Variants in CNOT10 observed in about 807,000 individuals in gnomAD.
CNOT10 encodes the protein CCR4-NOT transcription complex, subunit 10.
Under a neutral mutation model 94.6 loss-of-function variants are expected in CNOT10, and 30 were observed. The observed-to-expected ratio is 0.32, with a 90% confidence interval of 0.24 to 0.43. CNOT10 has a LOEUF of 0.43. Ranked by LOEUF, CNOT10 falls within the 20% of genes least tolerant of loss-of-function variation. The pLI is 1.00. For synonymous variants in CNOT10, 289 were observed against 301.6 expected, an observed-to-expected ratio of 0.96 and a Z score of 0.43; for missense variants, 759 against 877.2, an observed-to-expected ratio of 0.87 and a Z score of 1.70.
At chr3:32,739,464 G>A (rs978038757) in intron 13 of CNOT10, among the ~76,000 whole-genome samples, 8 of 152,018 alleles carry the variant, frequency 5.3e-5, no homozygotes, top group African/African-American at 1.9e-4. Flanking sequence ...TAAGCCTGCT[G>A]TGACTTCCTT....
chr3:32,764,166 G>A (rs978528069), intron 15 of CNOT10: 49 of 302,182 alleles, frequency 1.6e-4, no homozygotes, highest in Non-Finnish European at 2.5e-4. Context: ...GTGAAACCCC[G>A]TCTCTACTAA....
intron 17 of CNOT10, among the ~76,000 whole-genome samples, chr3:32,768,394 C>A (rs1700742420): frequency 6.6e-6 from 1 of 152,068 alleles, no homozygotes. Flanking sequence ...CTAGCCTGGA[C>A]AACATGATGA....
rs112244604 is a variant in CNOT10 at position 32,740,629 on chromosome 3, G to A, written c.1595+3139G>A. Among the ~76,000 whole-genome samples the A allele has an allele frequency of 2.5e-3, 385 of 152,002 alleles. 3 individuals are homozygous for A. The highest frequency in any genetic ancestry group is 8.7e-3 in the African/African-American group (361 of 41,476). On this transcript the variant is annotated intron_variant, in intron 13 of 18. Coordinates refer to ENST00000328834, the MANE Select transcript of CNOT10 (RefSeq NM_015442.3). The stretch of plus-strand genomic sequence containing the variant: ...TGCAATCCCAGCACTTTGGGAGGCC[G>A]AGGCGGGTGGATCACAAGGTCAGGA...
chr3:32,735,824 G>A (rs1699163198), intron 12 of CNOT10, among the ~76,000 whole-genome samples: 1 of 151,980 alleles, frequency 6.6e-6, no homozygotes, highest in African/African-American at 2.4e-5. Flanking sequence ...GAATATTTTT[G>A]TATATTTCTG....
Position 32,713,207 on chromosome 3 carries a change from C to G in CNOT10, c.431-20C>G. ...TACTTTAGGTTGTGACTATTCTTTT[C>G]TGTGTTTTTTTTCTCCCAGAAGAAA... On this transcript the variant is annotated intron_variant, in intron 4 of 18. Transcript: ENST00000328834. The G allele has an allele frequency of 6.4e-7, 1 of 1,557,020 alleles. No individual in the cohort carries two copies. The highest frequency in any genetic ancestry group is 1.4e-5 in the African/African-American group (1 of 71,366).
At chr3:32,727,300 C>T (rs1465555840) in intron 9 of CNOT10, among the ~76,000 whole-genome samples, 7 of 151,924 alleles carry the variant, frequency 4.6e-5, no homozygotes, top group South Asian at 2.1e-4. Flanking sequence ...GAGACCCCCC[C>T]ATCTCTACAA....
At chr3:32,734,747 C>T (rs1030843257) in intron 11 of CNOT10, 53 bp from the exon 12 acceptor site, 89 of 1,384,876 alleles carry the variant, frequency 6.4e-5, no homozygotes, top group Admixed American at 1.1e-4. Context: ...AATAAAAGAG[C>T]CTTATTTTAA....
At chr3:32,748,902 C>T (rs1336377862) in intron 13 of CNOT10, among the ~76,000 whole-genome samples, 1 of 151,548 alleles carries the variant, frequency 6.6e-6, no homozygotes, top group Non-Finnish European at 1.5e-5. Context: ...ACAGTCTTTG[C>T]TCACCCACCT....
intron 5 of CNOT10, among the ~76,000 whole-genome samples, chr3:32,714,472 T>TC (rs1265139915): frequency 6.7e-6 from 1 of 148,428 alleles, no homozygotes. Flanking sequence ...ACTTTGAGAG[T>TC]CCAAGGCGGG....
intron 13 of CNOT10, 25 bp from the exon 14 acceptor site, chr3:32,759,433 C>G (rs370520250): frequency 2.0e-6 from 3 of 1,486,880 alleles, no homozygotes; most frequent in Non-Finnish European, 2.8e-6. Flanking sequence ...ATGAGATTTT[C>G]GGCCCCTTCC....
intron 1 of CNOT10, among the ~76,000 whole-genome samples, chr3:32,697,450 T>G (rs7375111): frequency 0.2 from 30,813 of 151,940 alleles, 3,916 homozygotes; most frequent in African/African-American, 0.35. Context: ...CATATTTTAC[T>G]TATTTATTTT....
chr3:32,687,439 G>GTTTTTTTTTTTTTTTTTTTTTTTTT (rs201119069), intron 1 of CNOT10, among the ~76,000 whole-genome samples: 1 of 51,318 alleles, frequency 1.9e-5, no homozygotes, highest in Non-Finnish European at 3.4e-5. Flanking sequence ...AGTCCTCACG[G>GTTTTTTTTTTTTTTTTTTTTTTTTT]TTTTTTTTTT....
At chr3:32,753,194 G>A in intron 13 of CNOT10, 1 of 678,136 alleles carries the variant, frequency 1.5e-6, no homozygotes, top group South Asian at 1.4e-5. Flanking sequence ...AAACTATGCT[G>A]CTGCCCTAGA....
chr3:32,736,311 T>C (rs1458183523), intron 12 of CNOT10, among the ~76,000 whole-genome samples: 1 of 152,164 alleles, frequency 6.6e-6, no homozygotes, highest in Non-Finnish European at 1.5e-5. Context: ...GGTCTTGAAC[T>C]CCTTACCTCA....
rs944341695 is a variant in CNOT10 at position 32,725,580 on chromosome 3, T to G, written c.993T>G (p.Ser331Arg). 6.2e-6 allele frequency: 10 copies of G among 1,614,040 alleles called. No individual in the cohort carries two copies. In the Admixed American group the frequency reaches 1.5e-4, roughly 24 times the overall value. ...ATGACAATGTCTGTGCACAGCTCAGTGCAGGTAGCACTGATCCAGGTAAGC... is the reference window on the plus strand; with the variant it reads ...ATGACAATGTCTGTGCACAGCTCAGGGCAGGTAGCACTGATCCAGGTAAGC... ...QENDNVCAQL[S>R]AGSTDPGKKF... Residue 331 changes from serine to arginine, a missense_variant, in exon 9 of 19, where the codon AGT (serine) becomes AGG (arginine). By Grantham distance (110) the Ser-to-Arg change is moderately radical. Transcript: ENST00000328834.
At chr3:32,691,512 G>A (rs528432066) in intron 1 of CNOT10, among the ~76,000 whole-genome samples, 2 of 152,064 alleles carry the variant, frequency 1.3e-5, no homozygotes, top group South Asian at 4.2e-4. Context: ...TGACCATGTT[G>A]GCCCGGCTGG....
chr3:32,713,430 G>T, intron 5 of CNOT10, 61 bp downstream of exon 5: 4 of 1,320,980 alleles, frequency 3.0e-6, no homozygotes, highest in Non-Finnish European at 3.1e-6. Context: ...TCTACTTGTT[G>T]GTTTACTGGA....
chr3:32,718,678 C>T (rs1166065505), intron 7 of CNOT10, among the ~76,000 whole-genome samples: 2 of 151,220 alleles, frequency 1.3e-5, no homozygotes, highest in African/African-American at 2.4e-5. Context: ...CATCCTAAAT[C>T]GGCGAAAACT....
chr3:32,740,273 A>G (rs1699402425), intron 13 of CNOT10, among the ~76,000 whole-genome samples: 1 of 151,520 alleles, frequency 6.6e-6, no homozygotes, highest in Non-Finnish European at 1.5e-5. Context: ...AGCCTGACCA[A>G]TATGGTGAAA....
Sources: gnomAD v4.1 joint callset for allele counts (sites outside exome capture counted in the v4.1 genomes callset) on GRCh38, gnomAD v4.1.1 for gene constraint, MANE v1.5 for transcripts, NCBI Gene and HGNC (gene_info 2026-07-23, HGNC 2026-07-21) for gene names.